MEGF10: variants seen among roughly 807,000 people sequenced by gnomAD.
The protein encoded by MEGF10 is multiple epidermal growth factor-like domains protein 10.
MEGF10 carries 86 observed loss-of-function variants against 147.5 expected under a neutral mutation model. That is an observed-to-expected ratio of 0.58 (90% CI 0.49 to 0.70). The LOEUF is 0.70. MEGF10 is among the 30% of genes least tolerant of loss of function. The pLI, the probability that MEGF10 is intolerant of heterozygous loss-of-function variation, is 0.00. For synonymous variants in MEGF10, 478 were observed against 525.5 expected (o/e 0.91, Z 1.24); for missense variants, 1,329 against 1,487.3 (o/e 0.89, Z 1.75).
Position 127,458,196 on chromosome 5 carries a change from T to G in MEGF10, c.*878T>G, listed in dbSNP as rs1473101291. Reference sequence around the variant, plus strand: ...CAGACTGGATGGAATGAGTGTGTAATGATTGATAAAGGTTGTAAATTTTAA... The same window carrying G: ...CAGACTGGATGGAATGAGTGTGTAAGGATTGATAAAGGTTGTAAATTTTAA... On this transcript the variant is annotated 3_prime_UTR_variant, in exon 25 of 25. Transcript: ENST00000503335. The G allele has an allele frequency of 6.6e-6, 1 of 152,204 alleles. No homozygotes were observed. The highest frequency in any genetic ancestry group is 1.5e-5 in the Non-Finnish European group (1 of 68,026). 9.4% of individuals were successfully genotyped at this position (152,204 alleles called of 1,614,324 possible).
chr5:127,414,523 G>A (rs1203860943), intron 9 of MEGF10, among the ~76,000 whole-genome samples: 3 of 152,040 alleles, frequency 2.0e-5, no homozygotes, highest in Admixed American at 1.3e-4. Context: ...GTGATTAATG[G>A]CTATTTCCTT....
intron 9 of MEGF10, 110 bp downstream of exon 9, chr5:127,410,711 T>C: frequency 1.0e-6 from 1 of 981,594 alleles, no homozygotes; most frequent in East Asian, 2.6e-5. Context: ...AGCCCCCTCC[T>C]GCCTCTAGGC....
chr5:127,366,690 A>G (rs1338119674), intron 4 of MEGF10, among the ~76,000 whole-genome samples: 1 of 152,226 alleles, frequency 6.6e-6, no homozygotes, highest in East Asian at 1.9e-4. Flanking sequence ...TTTTAAAATT[A>G]CCATCACGGA....
At position 127,419,121 on chromosome 5, in the gene MEGF10, G is replaced by T; in HGVS notation, c.1307G>T (p.Gly436Val). 1 of 1,605,414 alleles carries T rather than the reference G, an allele frequency of 6.2e-7. No individual in the cohort carries two copies. The highest frequency in any genetic ancestry group is 8.5e-7 in the Non-Finnish European group (1 of 1,177,844). The change falls in exon 11 of 25, where the codon GGA (glycine) becomes GTA (valine). Residue 436 changes from glycine to valine, a missense_variant and splice_region_variant. Gly to Val is a moderately radical substitution (Grantham distance 109). Around this residue, in one of 3 missense-constraint regions of MEGF10, gnomAD observed 980 missense variants for 1,085.9 expected, o/e 0.90. Transcript: ENST00000503335. ...ATTTTGCTACTTGTGCCTGTCTAGG[G>T]AATTGACTGCTCTACCCCATGCCCT... Reference protein sequence around the residue: ...GKCTCAPGFKGIDCSTPCPLG... With the variant: ...GKCTCAPGFKVIDCSTPCPLG...
upstream of MEGF10, among the ~76,000 whole-genome samples, chr5:127,286,589 G>C (rs1262452587): frequency 6.6e-6 from 1 of 151,722 alleles, no homozygotes; most frequent in African/African-American, 2.4e-5. Context: ...AATTATTAGA[G>C]AGGAGTTTAT....
At chr5:127,300,281 G>C (rs945763181) in intron 1 of MEGF10, among the ~76,000 whole-genome samples, 1 of 152,198 alleles carries the variant, frequency 6.6e-6, no homozygotes, top group Non-Finnish European at 1.5e-5. Flanking sequence ...GTGATATAGA[G>C]AGGCTTGCCC....
chr5:127,359,245 A>G (rs931516704), intron 4 of MEGF10, among the ~76,000 whole-genome samples: 1 of 152,072 alleles, frequency 6.6e-6, no homozygotes, highest in Non-Finnish European at 1.5e-5. Flanking sequence ...GTTAAATTGA[A>G]TAGTATGTAC....
At chr5:127,252,221 G>A in the MEGF10 span, among the ~76,000 whole-genome samples, 1 of 151,594 alleles carries the variant, frequency 6.6e-6, no homozygotes, top group East Asian at 1.9e-4. Flanking sequence ...TATCTATTAA[G>A]ATTAAAACTG....
chr5:127,405,676 C>G lies in MEGF10; in HGVS notation c.917+2994C>G, dbSNP rs570569379. On this transcript the variant is annotated intron_variant, in intron 8 of 24. Transcript: ENST00000503335. ...CAAACAGCAGTAAAAGTAAAAATCC[C>G]TGTCTTGTTTCCAAATTTATTGGAA... is the stretch of plus-strand genomic sequence containing the variant. 2.6e-5 allele frequency among the ~76,000 whole-genome samples: 4 copies of G among 152,166 alleles called. No individual in the cohort carries two copies. The East Asian group carries it at 7.7e-4, about 29-fold the overall frequency.
intron 1 of MEGF10, among the ~76,000 whole-genome samples, chr5:127,328,094 T>A (rs1761111385): frequency 6.6e-6 from 1 of 152,200 alleles, no homozygotes; most frequent in Non-Finnish European, 1.5e-5. Flanking sequence ...GGACAATCCA[T>A]GTTTCCTAAT....
intron 4 of MEGF10, among the ~76,000 whole-genome samples, chr5:127,352,566 C>T (rs1290400804): frequency 6.6e-6 from 1 of 152,040 alleles, no homozygotes; most frequent in African/African-American, 2.4e-5. Flanking sequence ...GAGGCCGACA[C>T]AGGAGAATCG....
intron 8 of MEGF10, among the ~76,000 whole-genome samples, chr5:127,409,124 C>T (rs150562165): frequency 4.5e-4 from 68 of 152,204 alleles, no homozygotes; most frequent in South Asian, 2.7e-3. Flanking sequence ...AGAATTCCTC[C>T]CACCCTGGTA....
chr5:127,453,352 C>T (rs1001905125), intron 22 of MEGF10, among the ~76,000 whole-genome samples: 8 of 152,138 alleles, frequency 5.3e-5, no homozygotes, highest in South Asian at 2.1e-4. Flanking sequence ...CCACCGCACC[C>T]GGCCTGTAAT....
In MEGF10 at chr5:127,402,529, A is replaced by G. The variant is rs1340132796; in HGVS notation, c.781-17A>G. 1 of 1,606,924 alleles carries G rather than the reference A, an allele frequency of 6.2e-7. No homozygotes were observed. Among genetic ancestry groups the G allele is most frequent in the South Asian group, 1.1e-5 (1 of 89,598 alleles). ...GGCTGGAGGCCCATCTAATTTTCCA[A>G]GTCTCTTTGAATGCAGGGCACAGTG... On this transcript the variant is annotated splice_polypyrimidine_tract_variant and intron_variant, in intron 7 of 24. Transcript: ENST00000503335.
At chr5:127,296,600 C>G (rs968179282) in intron 1 of MEGF10, among the ~76,000 whole-genome samples, 1 of 152,216 alleles carries the variant, frequency 6.6e-6, no homozygotes, top group Non-Finnish European at 1.5e-5. Context: ...CCCAGATGAG[C>G]TGTACAGATT....
At chr5:127,361,176 G>A (rs1762458455) in intron 4 of MEGF10, among the ~76,000 whole-genome samples, 1 of 151,824 alleles carries the variant, frequency 6.6e-6, no homozygotes, top group African/African-American at 2.4e-5. Context: ...TCTGGAATTG[G>A]AGGTTTTTTA....
intron 1 of MEGF10, among the ~76,000 whole-genome samples, chr5:127,302,796 A>G (rs1043616176): frequency 6.6e-6 from 1 of 152,132 alleles, no homozygotes; most frequent in Non-Finnish European, 1.5e-5. Flanking sequence ...TGAGGAAAGG[A>G]AAGGAGGAGG....
At chr5:127,281,114 C>A in the MEGF10 span, among the ~76,000 whole-genome samples, 1 of 152,212 alleles carries the variant, frequency 6.6e-6, no homozygotes, top group African/African-American at 2.4e-5. Context: ...CATCCAGTGG[C>A]AGGGCTTTCC....
At position 127,324,162 on chromosome 5, in the gene MEGF10, G is replaced by A. The variant is rs535460912; in HGVS notation, c.-18-7129G>A. Among the ~76,000 whole-genome samples the A allele has an allele frequency of 2.0e-5, 3 of 150,736 alleles. No individual in the cohort carries two copies. In the East Asian group the frequency reaches 5.9e-4, roughly 29 times the overall value. ...TGCTGTAGCAGCGTTGAAAAAAAGA[G>A]GAAAAAAAGAGTGAACTTTATAAAA... On this transcript the variant is annotated intron_variant, in intron 1 of 24. Coordinates refer to ENST00000503335, the MANE Select transcript of MEGF10 (RefSeq NM_001256545.2).
Sources: allele counts gnomAD v4.1 joint callset (sites outside exome capture counted in the v4.1 genomes callset), GRCh38; gene constraint gnomAD v4.1.1; regional missense constraint gnomAD v4.1.1; transcripts MANE v1.5; gene names NCBI Gene and HGNC (gene_info 2026-07-23, HGNC 2026-07-21).